The following TEX101 variants were observed in gnomAD, a reference collection of about 807,000 sequenced individuals.
TEX101 encodes testis expressed 101, also known as testis-expressed protein 101.
TEX101 carries 10 observed loss-of-function variants against 18.1 expected under a neutral mutation model. The ratio of observed to expected loss-of-function variants is 0.55; its 90% confidence interval spans 0.34 to 0.94. The LOEUF is 0.94. Ranked by LOEUF, TEX101 falls within the 40% of genes least tolerant of loss-of-function variation. The pLI is 0.02. For synonymous variants in TEX101, 94 were observed against 114.8 expected (o/e 0.82, Z 1.16); for missense variants, 259 against 298.9 (o/e 0.87, Z 0.98).
At chr19:43,396,930 G>C (rs758726025), upstream of TEX101, among the ~76,000 whole-genome samples, 54 of 145,638 alleles carry the variant, frequency 3.7e-4, no homozygotes, top group Non-Finnish European at 7.7e-4. Flanking sequence ...TCCGCCTTCC[G>C]GGTTCAGGGC....
At chr19:43,401,151 G>A (rs1372546736), upstream of TEX101, among the ~76,000 whole-genome samples, 2 of 152,170 alleles carry the variant, frequency 1.3e-5, no homozygotes, top group East Asian at 3.8e-4. Context: ...GAGAAGAGCA[G>A]TAAACAGACA....
At chr19:43,406,458 G>A (rs1402219851) in exon 3 of TEX101, 2 of 768,860 alleles carry the variant, frequency 2.6e-6, no homozygotes, top group Non-Finnish European at 4.8e-6. Context: ...TGAAGAGACA[G>A]GAGAGGGGGA....
intron 2 of TEX101, among the ~76,000 whole-genome samples, chr19:43,403,430 G>A (rs1970334732): frequency 6.6e-6 from 1 of 152,070 alleles, no homozygotes; most frequent in East Asian, 1.9e-4. Context: ...ACCGGGGCCT[G>A]TCTTGGAGTT....
At position 43,406,081 on chromosome 19, in the gene TEX101, C is replaced by CAAAAAAA. The variant is rs34029449; in HGVS notation, c.-282-128_-282-122dup. On this transcript the variant is annotated intron_variant, in intron 2 of 7. Coordinates refer to the TEX101 transcript ENST00000602198. ...ACAACATAAGGAGACCCTGTCTCTA[C>CAAAAAAA]AAAAAAAAAAAAAAAAAAAAGCCAG... is the stretch of plus-strand genomic sequence containing the variant. The CAAAAAAA allele has an allele frequency of 3.0e-3, 174 of 58,828 alleles. 13 individuals carry two copies. The highest frequency in any genetic ancestry group is 8.6e-3 in the African/African-American group (154 of 17,978). The allele number at this position is 58,828 out of a possible 1,614,324, so 3.6% of individuals were successfully genotyped here.
chr19:43,418,032 T>C (rs756769160), intron 5 of TEX101, 26 bp downstream of exon 5: 1 of 1,614,084 alleles, frequency 6.2e-7, no homozygotes, highest in Non-Finnish European at 8.5e-7. Context: ...CATCTGATAG[T>C]TTCAGAGGCT....
upstream of TEX101, among the ~76,000 whole-genome samples, chr19:43,398,768 CT>C (rs1970296321): frequency 6.6e-6 from 1 of 152,140 alleles, no homozygotes; most frequent in Non-Finnish European, 1.5e-5. Context: ...AAGATACGTC[CT>C]TCCAGAAATC....
upstream of TEX101, among the ~76,000 whole-genome samples, chr19:43,410,038 C>T (rs1281702024): frequency 6.8e-6 from 1 of 147,268 alleles, no homozygotes; most frequent in Non-Finnish European, 1.5e-5. Context: ...GATCCTGTCT[C>T]AAAAAAAAAA....
upstream of TEX101, among the ~76,000 whole-genome samples, chr19:43,414,662 T>G (rs1222664893): frequency 6.6e-6 from 1 of 152,108 alleles, no homozygotes; most frequent in Non-Finnish European, 1.5e-5. Context: ...CTGCCCACCC[T>G]CCATTGCGTG....
At chr19:43,389,285 A>G in the TEX101 span, among the ~76,000 whole-genome samples, 1 of 152,276 alleles carries the variant, frequency 6.6e-6, no homozygotes, top group Non-Finnish European at 1.5e-5. Context: ...GGAGGGACAC[A>G]GACACGGGTC....
At chr19:43,389,247 A>G in the TEX101 span, among the ~76,000 whole-genome samples, 4 of 152,206 alleles carry the variant, frequency 2.6e-5, no homozygotes, top group Non-Finnish European at 5.9e-5. Flanking sequence ...AGGAAGCCGG[A>G]AAGTTCATTT....
At chr19:43,396,407 C>T in the TEX101 span, among the ~76,000 whole-genome samples, 2 of 152,188 alleles carry the variant, frequency 1.3e-5, no homozygotes, top group Non-Finnish European at 2.9e-5. Context: ...TTTCTGTAGC[C>T]TCATCTTAAA....
Position 43,418,277 on chromosome 19 carries a change from ACAT to A in TEX101, c.633_635del (p.His211del), listed in dbSNP as rs372005194. 12 of 1,614,174 alleles carry A rather than the reference ACAT, an allele frequency of 7.4e-6. No homozygotes were observed. The African/African-American group carries it at 1.6e-4, about 22-fold the overall frequency. On this transcript the variant is annotated inframe_deletion, in exon 6 of 6. Coordinates refer to ENST00000598265, the MANE Select transcript of TEX101 (RefSeq NM_001130011.3). Reference sequence around the variant, plus strand: ...CCATGTTTGTGAGGGAAGCGTGCCCACATCAGCTGCTCACTCAACCTCGAAAGA... The same window carrying A: ...CCATGTTTGTGAGGGAAGCGTGCCCACAGCTGCTCACTCAACCTCGAAAGA...
At chr19:43,408,830 C>T (rs891136172) in intron 3 of TEX101, among the ~76,000 whole-genome samples, 5 of 152,136 alleles carry the variant, frequency 3.3e-5, no homozygotes, top group African/African-American at 1.2e-4. Context: ...ATCCTGGGAT[C>T]CCTAAGGTCA....
chr19:43,410,874 T>A (rs1221912916), upstream of TEX101, among the ~76,000 whole-genome samples: 6 of 150,740 alleles, frequency 4.0e-5, no homozygotes, highest in African/African-American at 1.2e-4. Flanking sequence ...AAAAAAAAAA[T>A]TTTTTTTTGA....
chr19:43,397,624 T>C (rs969394525), upstream of TEX101, among the ~76,000 whole-genome samples: 2 of 150,640 alleles, frequency 1.3e-5, no homozygotes, highest in Admixed American at 1.4e-4. Context: ...ATCAAGACAC[T>C]GTGTCCTTGA....
the TEX101 span, among the ~76,000 whole-genome samples, chr19:43,394,368 T>C: frequency 2.0e-5 from 3 of 152,302 alleles, no homozygotes; most frequent in African/African-American, 7.2e-5. Flanking sequence ...TTTCTGTCAG[T>C]GGAGCTCTGT....
chr19:43,407,481 GT>G (rs1435354736), intron 3 of TEX101, among the ~76,000 whole-genome samples: 35 of 124,744 alleles, frequency 2.8e-4, no homozygotes, highest in African/African-American at 9.1e-4. Flanking sequence ...GCGAAACTTC[GT>G]CAAAAAAAAA....
At chr19:43,406,723 A>G (rs976547693) in intron 3 of TEX101, among the ~76,000 whole-genome samples, 9 of 152,102 alleles carry the variant, frequency 5.9e-5, no homozygotes, top group African/African-American at 2.2e-4. Context: ...AGGAAGACAG[A>G]AGCCTCCCGT....
chr19:43,408,989 G>A (rs986438669), intron 3 of TEX101, among the ~76,000 whole-genome samples: 3 of 152,170 alleles, frequency 2.0e-5, no homozygotes, highest in Admixed American at 2.0e-4. Context: ...AAGTTGAAGC[G>A]TAGATTTACA....
Sources: allele counts gnomAD v4.1 joint callset (sites outside exome capture counted in the v4.1 genomes callset), GRCh38; gene constraint gnomAD v4.1.1; transcripts MANE v1.5; gene names NCBI Gene and HGNC (gene_info 2026-07-23, HGNC 2026-07-21).